RANBP17: variants seen among roughly 807,000 people sequenced by gnomAD.
RANBP17 encodes the protein ran-binding protein 17.
A neutral mutation model predicts 141.2 loss-of-function variants in RANBP17; 158 were observed. That is an observed-to-expected ratio of 1.12 (90% confidence interval 0.98 to 1.28). RANBP17 has a LOEUF of 1.28. Among genes scored for constraint, RANBP17 ranks in the 50% most tolerant of loss-of-function variants. The pLI, the probability that RANBP17 is intolerant of heterozygous loss-of-function variation, is 0.00. For missense variants in RANBP17, 1,438 were observed against 1,290.7 expected (o/e 1.11, Z -1.75); for synonymous variants, 430 against 450.0 (o/e 0.96, Z 0.56).
intron 12 of RANBP17, among the ~76,000 whole-genome samples, chr5:170,935,274 G>A (rs557089401): frequency 2.6e-5 from 4 of 152,284 alleles, no homozygotes; most frequent in South Asian, 2.1e-4. Context: ...GGTGAAGTTC[G>A]TTATTACTGA....
intron 12 of RANBP17, among the ~76,000 whole-genome samples, chr5:170,925,144 A>G (rs914173433): frequency 3.9e-5 from 6 of 152,152 alleles, no homozygotes; most frequent in Non-Finnish European, 5.9e-5. Flanking sequence ...AGTAGAAAGC[A>G]CTTTATAGTT....
chr5:170,911,071 A>G lies in RANBP17; in HGVS notation c.697A>G (p.Ser233Gly). ...LNCLNFDFIG[S>G]SADESADDLC... is the part of the protein sequence containing the mutation. ...CTGCCTTAACTTTGACTTCATTGGC[A>G]GTTCAGCAGATGAATCTGCAGATGA... Residue 233 changes from serine to glycine, a missense_variant, in exon 7 of 28, where the codon AGT becomes GGT. Ser to Gly is a moderately conservative substitution (Grantham distance 56). Transcript: ENST00000523189. 2 of 1,612,126 alleles carry G rather than the reference A, an allele frequency of 1.2e-6. No individual in the cohort carries two copies. The highest frequency in any genetic ancestry group is 4.5e-5 in the East Asian group (2 of 44,796).
chr5:171,252,315 C>A, intron 24 of RANBP17: 1 of 1,548,874 alleles, frequency 6.5e-7, no homozygotes, highest in Non-Finnish European at 8.9e-7. Context: ...GCACCCCAGA[C>A]CCAATGCGGG....
At chr5:171,268,194 G>A (rs1296587457) in intron 25 of RANBP17, among the ~76,000 whole-genome samples, 1 of 152,148 alleles carries the variant, frequency 6.6e-6, no homozygotes, top group East Asian at 1.9e-4. Context: ...ATGGGACAAA[G>A]AGACAAGTAA....
In RANBP17 at chr5:170,936,029, C is replaced by A. The variant is rs530788397; in HGVS notation, c.1468+11479C>A. Reference sequence around the variant, plus strand: ...CTTCCCCAGCCTCGCTGCCGCCTTGCAGTTCCATCTCAGGCTCTTGTGCTA... The same window carrying A: ...CTTCCCCAGCCTCGCTGCCGCCTTGAAGTTCCATCTCAGGCTCTTGTGCTA... On this transcript the variant is annotated intron_variant, in intron 12 of 27. Coordinates refer to ENST00000523189, the MANE Select transcript of RANBP17 (RefSeq NM_022897.5). Among the ~76,000 whole-genome samples the A allele has an allele frequency of 3.9e-3, 590 of 152,328 alleles. 2 individuals are homozygous for A. Among genetic ancestry groups the A allele is most frequent in the Middle Eastern group, 0.01 (3 of 294 alleles).
intron 14 of RANBP17, among the ~76,000 whole-genome samples, chr5:171,071,369 G>A (rs535282044): frequency 2.0e-5 from 3 of 152,076 alleles, no homozygotes; most frequent in Admixed American, 6.6e-5. Flanking sequence ...TAAAACTTAT[G>A]TGGAAAGGCA....
At chr5:171,080,887 C>G (rs1180434407) in intron 14 of RANBP17, among the ~76,000 whole-genome samples, 1 of 152,066 alleles carries the variant, frequency 6.6e-6, no homozygotes, top group Non-Finnish European at 1.5e-5. Context: ...AAAGAGAGGA[C>G]CATATCTTAC....
chr5:171,139,788 C>G (rs1757568787), intron 14 of RANBP17, among the ~76,000 whole-genome samples: 1 of 152,136 alleles, frequency 6.6e-6, no homozygotes, highest in African/African-American at 2.4e-5. Flanking sequence ...CAATTGTAGC[C>G]AGGGTAGTCT....
chr5:171,297,588 A>G (rs1373128792), intron 27 of RANBP17, among the ~76,000 whole-genome samples: 1 of 151,662 alleles, frequency 6.6e-6, no homozygotes, highest in Non-Finnish European at 1.5e-5. Context: ...ATCCTCTATC[A>G]CGCAGAAAGG....
In RANBP17 at chr5:171,098,293, C is replaced by T. The variant is rs149439299; in HGVS notation, c.1711-71837C>T. The stretch of plus-strand genomic sequence containing the variant: ...TTCTATTTTTTCACATCCTCTCCAG[C>T]ATCTGTTGTTTCATGACTTTGTAAT... On this transcript the variant is annotated intron_variant, in intron 14 of 27. Transcript: ENST00000523189. Among the ~76,000 whole-genome samples, 910 of 152,282 alleles carry T rather than the reference C, an allele frequency of 6.0e-3. 14 individuals are homozygous for T. Among genetic ancestry groups the T allele is most frequent in the African/African-American group, 0.021 (880 of 41,560 alleles).
chr5:170,898,300 C>A (rs1028142883), intron 5 of RANBP17, among the ~76,000 whole-genome samples: 1 of 152,038 alleles, frequency 6.6e-6, no homozygotes, highest in African/African-American at 2.4e-5. Context: ...AGCTTTTTTT[C>A]ATACGGTTGT....
intron 2 of RANBP17, among the ~76,000 whole-genome samples, chr5:170,879,696 G>A (rs1361972807): frequency 6.6e-6 from 1 of 152,088 alleles, no homozygotes; most frequent in East Asian, 1.9e-4. Context: ...TGGTGACTTG[G>A]TTGTTCTGAA....
chr5:170,907,247 A>G (rs1463368295), intron 5 of RANBP17, among the ~76,000 whole-genome samples: 1 of 151,888 alleles, frequency 6.6e-6, no homozygotes, highest in Non-Finnish European at 1.5e-5. Flanking sequence ...TTAAGAAGTA[A>G]AATATCCTGT....
intron 1 of RANBP17, among the ~76,000 whole-genome samples, chr5:170,864,714 T>C (rs941808061): frequency 3.3e-5 from 5 of 151,970 alleles, no homozygotes; most frequent in African/African-American, 1.2e-4. Context: ...TTGATCCAAC[T>C]TTTTTGCTCA....
intron 24 of RANBP17, among the ~76,000 whole-genome samples, chr5:171,258,132 C>T (rs1405217360): frequency 7.0e-6 from 1 of 143,850 alleles, no homozygotes; most frequent in Non-Finnish European, 1.5e-5. Flanking sequence ...CACACACACA[C>T]ACACACACAC....
intron 14 of RANBP17, among the ~76,000 whole-genome samples, chr5:171,118,299 C>G (rs935399929): frequency 6.6e-6 from 1 of 152,142 alleles, no homozygotes; most frequent in African/African-American, 2.4e-5. Context: ...CTTACTACAG[C>G]TTTGTATTAC....
intron 14 of RANBP17, among the ~76,000 whole-genome samples, chr5:171,161,677 G>T (rs905738521): frequency 6.6e-6 from 1 of 152,040 alleles, no homozygotes; most frequent in Non-Finnish European, 1.5e-5. Context: ...AGCAGTATTA[G>T]CTGCAAAGCC....
At chr5:171,117,880 TAG>T (rs1223501964) in intron 14 of RANBP17, among the ~76,000 whole-genome samples, 1 of 151,972 alleles carries the variant, frequency 6.6e-6, no homozygotes, top group East Asian at 1.9e-4. Flanking sequence ...GTTGTGACGT[TAG>T]AGTTCCTTGT....
At chr5:170,884,443 GAA>G (rs1358256660) in intron 3 of RANBP17, among the ~76,000 whole-genome samples, 5 of 152,042 alleles carry the variant, frequency 3.3e-5, no homozygotes, top group African/African-American at 1.2e-4. Context: ...CTAGAGAAAA[GAA>G]TATTATTTGG....
Sources: gnomAD v4.1 joint callset for allele counts (sites outside exome capture counted in the v4.1 genomes callset) on GRCh38, gnomAD v4.1.1 for gene constraint, MANE v1.5 for transcripts, NCBI Gene and HGNC (gene_info 2026-07-23, HGNC 2026-07-21) for gene names.